The following CDH2 variants were observed in gnomAD, a reference collection of about 807,000 sequenced individuals.
CDH2 encodes cadherin-2.
Under a neutral mutation model 92.0 loss-of-function variants are expected in CDH2, and 17 were observed. The ratio of observed to expected loss-of-function variants is 0.18; its 90% CI spans 0.13 to 0.28. CDH2 has a LOEUF of 0.28. Among genes scored for constraint, CDH2 ranks in the 10% least tolerant of loss-of-function variants. CDH2 has a pLI of 1.00. For missense variants in CDH2, 862 were observed against 1,133.1 expected (o/e 0.76, Z 3.44); for synonymous variants, 419 against 415.9 (o/e 1.01, Z -0.09).
chr18:28,004,843 C>T (rs940294127), intron 6 of CDH2, among the ~76,000 whole-genome samples: 1 of 152,132 alleles, frequency 6.6e-6, no homozygotes, highest in Non-Finnish European at 1.5e-5. Context: ...TGCCCCCACC[C>T]TACCCCTACA....
At chr18:27,997,963 C>T (rs1015524471) in intron 7 of CDH2, among the ~76,000 whole-genome samples, 3 of 152,138 alleles carry the variant, frequency 2.0e-5, no homozygotes, top group African/African-American at 4.8e-5. Flanking sequence ...CCCGCAACCA[C>T]GCCTGGCTAA....
chr18:28,177,096 C>T lies in CDH2; in HGVS notation c.-74G>A. 1 of 1,152,312 alleles carries T rather than the reference C, an allele frequency of 8.7e-7. No individual in the cohort carries two copies. Among genetic ancestry groups the T allele is most frequent in the South Asian group, 1.4e-5 (1 of 69,556 alleles). The allele number at this position is 1,152,312 out of a possible 1,614,324, so 71.4% of individuals were successfully genotyped here. ...GCGGCGGCGGCGGAGGAGGAGGAGG[C>T]AGCGGCAGCACCAACAGCGGCGCGG... is the stretch of plus-strand genomic sequence containing the variant. On this transcript the variant is annotated 5_prime_UTR_variant, in exon 1 of 16. Transcript: ENST00000269141.
In CDH2 at chr18:28,172,102, T is replaced by C. The variant is rs147729359; in HGVS notation, c.60+4861A>G. On this transcript the variant is annotated intron_variant, in intron 1 of 15. Transcript: ENST00000269141. ...GTGTGTGTGTGTGTGTGTGTGTGTG[T>C]GCGTGTGTGTATGCAATCCAAGGGC... Among the ~76,000 whole-genome samples, 327 of 151,626 alleles carry C rather than the reference T, an allele frequency of 2.2e-3. 8 individuals carry two copies. The East Asian group carries it at 0.045, about 21-fold the overall frequency.
At chr18:28,155,737 C>A (rs1387831928) in intron 1 of CDH2, among the ~76,000 whole-genome samples, 1 of 152,224 alleles carries the variant, frequency 6.6e-6, no homozygotes, top group Non-Finnish European at 1.5e-5. Context: ...TGTTCGAGAA[C>A]ATTCAGCACG....
intron 2 of CDH2, among the ~76,000 whole-genome samples, chr18:28,021,519 T>C (rs1321774065): frequency 1.3e-5 from 2 of 152,004 alleles, no homozygotes; most frequent in Non-Finnish European, 2.9e-5. Flanking sequence ...ATAGTTTACA[T>C]ATATCAGATG....
chr18:28,081,085 T>C (rs2014819986), intron 2 of CDH2, among the ~76,000 whole-genome samples: 1 of 152,172 alleles, frequency 6.6e-6, no homozygotes, highest in Non-Finnish European at 1.5e-5. Context: ...CTCAACCATA[T>C]GCAAAGGACC....
intron 2 of CDH2, among the ~76,000 whole-genome samples, chr18:28,038,629 A>C (rs530300506): frequency 1.3e-5 from 2 of 152,152 alleles, no homozygotes; most frequent in South Asian, 4.2e-4. Flanking sequence ...CTCAGGTAGA[A>C]AGTCATAGAT....
chr18:27,963,733 C>T (rs1162200084), intron 14 of CDH2: 1 of 534,306 alleles, frequency 1.9e-6, no homozygotes, highest in East Asian at 3.2e-5. Flanking sequence ...GTCTGTGCTC[C>T]ATCTGCTTTA....
intron 5 of CDH2, among the ~76,000 whole-genome samples, chr18:28,008,763 A>T (rs911881395): frequency 1.1e-4 from 16 of 152,236 alleles, no homozygotes; most frequent in African/African-American, 3.1e-4. Flanking sequence ...AAAAGAAAAA[A>T]CTTCAGTAAT....
intron 1 of CDH2, among the ~76,000 whole-genome samples, chr18:28,152,903 G>C (rs987599268): frequency 6.6e-6 from 1 of 152,242 alleles, no homozygotes; most frequent in African/African-American, 2.4e-5. Flanking sequence ...AGTTAAGATC[G>C]ATAGGGCCTT....
At chr18:28,099,797 T>C (rs2015197235) in intron 2 of CDH2, among the ~76,000 whole-genome samples, 1 of 152,184 alleles carries the variant, frequency 6.6e-6, no homozygotes, top group African/African-American at 2.4e-5. Flanking sequence ...CAATTTCAGA[T>C]AGAAAAATAT....
intron 1 of CDH2, among the ~76,000 whole-genome samples, chr18:28,166,674 C>T (rs2016390553): frequency 1.3e-5 from 2 of 152,014 alleles, no homozygotes; most frequent in Admixed American, 1.3e-4. Context: ...AAGGCCACAC[C>T]AAAAGCACAA....
At chr18:28,030,702 G>C (rs1695684036) in intron 2 of CDH2, among the ~76,000 whole-genome samples, 1 of 152,000 alleles carries the variant, frequency 6.6e-6, no homozygotes, top group Non-Finnish European at 1.5e-5. Flanking sequence ...AATGGGGCTC[G>C]GGCTGGGGCT....
At chr18:28,167,597 T>C (rs940490505) in intron 1 of CDH2, among the ~76,000 whole-genome samples, 3 of 152,076 alleles carry the variant, frequency 2.0e-5, no homozygotes, top group Non-Finnish European at 4.4e-5. Flanking sequence ...GTCAAATAAA[T>C]AGTTACCACT....
chr18:28,015,505 C>T (rs774229758), intron 2 of CDH2, among the ~76,000 whole-genome samples: 18 of 151,942 alleles, frequency 1.2e-4, no homozygotes, highest in Non-Finnish European at 2.5e-4. Flanking sequence ...TCATTAAAGA[C>T]AAAAAATGAA....
chr18:28,052,569 T>A (rs1034158030), intron 2 of CDH2, among the ~76,000 whole-genome samples: 9 of 152,184 alleles, frequency 5.9e-5, no homozygotes, highest in African/African-American at 2.2e-4. Context: ...CATTAAATAG[T>A]ACTTTAACTT....
chr18:28,006,016 AC>A, intron 5 of CDH2, 23 bp from the exon 6 acceptor site: 1 of 1,581,956 alleles, frequency 6.3e-7, no homozygotes, highest in Non-Finnish European at 8.7e-7. Context: ...TTAGAAAACA[AC>A]TATTTAACAG....
chr18:28,140,404 A>G (rs565049625), intron 2 of CDH2, among the ~76,000 whole-genome samples: 1 of 152,114 alleles, frequency 6.6e-6, no homozygotes, highest in East Asian at 1.9e-4. Context: ...GTATCCCCCT[A>G]AATTTCACAT....
intron 14 of CDH2, among the ~76,000 whole-genome samples, chr18:27,969,585 T>C (rs1268829877): frequency 6.6e-6 from 1 of 152,250 alleles, no homozygotes; most frequent in East Asian, 1.9e-4. Context: ...CACACTTCAA[T>C]TAGACTTGAT....
Sources: allele counts gnomAD v4.1 joint callset (sites outside exome capture counted in the v4.1 genomes callset), GRCh38; gene constraint gnomAD v4.1.1; transcripts MANE v1.5; gene names NCBI Gene and HGNC (gene_info 2026-07-23, HGNC 2026-07-21).